Variants in MYOF observed in about 807,000 individuals in gnomAD.
The protein encoded by MYOF is fer-1-like 3, myoferlin.
In MYOF, 244 loss-of-function variants were observed where a neutral mutation model predicts 284.2. The ratio of observed to expected loss-of-function variants is 0.86; its 90% CI spans 0.77 to 0.95. The LOEUF (loss-of-function observed/expected upper bound fraction) is 0.95. Among genes scored for constraint, MYOF ranks in the 40% least tolerant of loss-of-function variants. The pLI, the probability that MYOF is intolerant of heterozygous loss-of-function variation, is 0.00. For missense variants in MYOF, 2,496 were observed against 2,560.6 expected (o/e 0.97, Z 0.54); for synonymous variants, 904 against 919.7 (o/e 0.98, Z 0.31).
intron 52 of MYOF, 47 bp downstream of exon 52, chr10:93,310,487 C>A: frequency 6.3e-7 from 1 of 1,579,368 alleles, no homozygotes; most frequent in Non-Finnish European, 8.7e-7. Flanking sequence ...GGGGGGCTCT[C>A]AGCCTGCAGG....
At chr10:93,307,436 G>A (rs1842163174) in intron 53 of MYOF, among the ~76,000 whole-genome samples, 1 of 151,896 alleles carries the variant, frequency 6.6e-6, no homozygotes, top group Non-Finnish European at 1.5e-5. Context: ...GAGCAGCTGG[G>A]ACTACAGGCG....
chr10:93,412,951 C>T (rs954795455), intron 5 of MYOF, among the ~76,000 whole-genome samples: 1 of 152,100 alleles, frequency 6.6e-6, no homozygotes, highest in African/African-American at 2.4e-5. Flanking sequence ...CTGGGGCTGA[C>T]AGCTGTTGGG....
intron 39 of MYOF, chr10:93,338,378 C>A (rs917060954): frequency 2.2e-6 from 1 of 456,720 alleles, no homozygotes; most frequent in South Asian, 1.5e-5. Context: ...ATTCAAGTTC[C>A]TTCCTTTATG....
intron 43 of MYOF, among the ~76,000 whole-genome samples, 185 bp from the exon 44 acceptor site, chr10:93,330,019 A>G (rs370017671): frequency 2.0e-5 from 3 of 152,282 alleles, no homozygotes; most frequent in East Asian, 3.9e-4. Context: ...AATAAGAACA[A>G]GAAGAGAACA....
intron 4 of MYOF, among the ~76,000 whole-genome samples, chr10:93,427,194 T>C (rs1489939867): frequency 1.5e-5 from 2 of 134,298 alleles, no homozygotes; most frequent in African/African-American, 5.8e-5. Flanking sequence ...GGAGACTCTG[T>C]CTTAAAACAA....
chr10:93,365,238 T>C (rs948424005), intron 26 of MYOF, among the ~76,000 whole-genome samples: 2 of 152,212 alleles, frequency 1.3e-5, no homozygotes, highest in African/African-American at 4.8e-5. Flanking sequence ...CAAACTCTAG[T>C]TGGAGGCCTT....
intron 21 of MYOF, among the ~76,000 whole-genome samples, chr10:93,378,798 C>T (rs1435278523): frequency 2.0e-5 from 3 of 150,182 alleles, no homozygotes; most frequent in South Asian, 2.1e-4. Context: ...CTGCAACCTC[C>T]GTCTCCCGGG....
intron 24 of MYOF, among the ~76,000 whole-genome samples, 194 bp downstream of exon 24, chr10:93,372,736 T>C (rs1352507014): frequency 6.6e-6 from 1 of 152,238 alleles, no homozygotes; most frequent in Non-Finnish European, 1.5e-5. Flanking sequence ...GGAGGTGTCC[T>C]TGATTGAAAG....
At chr10:93,433,507 G>A (rs1044390017) in intron 3 of MYOF, among the ~76,000 whole-genome samples, 6 of 152,234 alleles carry the variant, frequency 3.9e-5, no homozygotes, top group East Asian at 3.9e-4. Flanking sequence ...TGTCTACATC[G>A]GCACTGACTT....
intron 6 of MYOF, among the ~76,000 whole-genome samples, chr10:93,409,272 C>T (rs1276546875): frequency 1.3e-5 from 2 of 152,130 alleles, no homozygotes; most frequent in Non-Finnish European, 2.9e-5. Flanking sequence ...AAGACAGGGC[C>T]CAGAGCTGCG....
rs199815755 is a variant in MYOF, at chr10:93,323,283, G to A, written c.5347C>T (p.Arg1783Trp). The A allele has an allele frequency of 1.7e-3, 2,797 of 1,614,054 alleles. 3 individuals are homozygous for A. The highest frequency in any genetic ancestry group is 2.2e-3 in the Non-Finnish European group (2,619 of 1,179,920). Residue 1783 changes from arginine to tryptophan, a missense_variant, in exon 47 of 54, where the codon CGG becomes TGG. Transcript: ENST00000359263. ...PPGPPFNITP[R>W]KAKKYYLRVI... ...TGACTGACTTACTTCTTGGCTTTCC[G>A]GGGTGTGATGTTGAAAGGAGGGCCT...
At chr10:93,372,878 A>T (rs1845653468) in intron 24 of MYOF, 52 bp downstream of exon 24, 2 of 1,599,872 alleles carry the variant, frequency 1.3e-6, no homozygotes, top group South Asian at 1.1e-5. Context: ...CCTTCTCAGG[A>T]ATACAGCTTT....
At chr10:93,319,758 A>G (rs948572381) in intron 49 of MYOF, 114 bp downstream of exon 49, 1 of 1,414,452 alleles carries the variant, frequency 7.1e-7, no homozygotes, top group Non-Finnish European at 9.7e-7. Flanking sequence ...CTCTGCTGAG[A>G]AGGAGCCGGA....
intron 39 of MYOF, chr10:93,338,348 A>C (rs1386881254): frequency 4.4e-6 from 2 of 457,016 alleles, no homozygotes; most frequent in Non-Finnish European, 4.4e-6. Flanking sequence ...ACTAGCTAAA[A>C]ATTGGAAAAA....
chr10:93,371,426 C>T (rs1049003633), intron 24 of MYOF, among the ~76,000 whole-genome samples: 6 of 152,148 alleles, frequency 3.9e-5, no homozygotes, highest in African/African-American at 1.4e-4. Flanking sequence ...ATTCCATCAG[C>T]TTAAATGCAC....
chr10:93,396,056 T>C (rs757690233), intron 16 of MYOF, 86 bp downstream of exon 16: 67 of 1,012,556 alleles, frequency 6.6e-5, no homozygotes, highest in Non-Finnish European at 9.4e-5. Context: ...AAACCTACTG[T>C]GAGGTGGCTA....
At chr10:93,391,263 A>G (rs1468459341) in intron 17 of MYOF, among the ~76,000 whole-genome samples, 1 of 152,192 alleles carries the variant, frequency 6.6e-6, no homozygotes, top group African/African-American at 2.4e-5. Context: ...CTCTCCTTCT[A>G]TGTGCTCACA....
At position 93,374,851 on chromosome 10, in the gene MYOF, A is replaced by C; in HGVS notation, c.2213T>G (p.Val738Gly). Residue 738 changes from valine (V) to glycine (G), a missense_variant, in exon 23 of 54, where the codon GTG becomes GGG. Transcript: ENST00000359263. ...RSLSQIHEAA[V>G]RMRSEATDVK... ...ATCTGTGGCTTCCGACCTCATCCTCACAGCCGCCTCATGTATTTGGGAGAG... is the reference window on the plus strand; with the variant it reads ...ATCTGTGGCTTCCGACCTCATCCTCCCAGCCGCCTCATGTATTTGGGAGAG... 1 of 1,614,094 alleles carries C rather than the reference A, an allele frequency of 6.2e-7. No individual in the cohort carries two copies. Among genetic ancestry groups the C allele is most frequent in the Non-Finnish European group, 8.5e-7 (1 of 1,180,008 alleles).
At chr10:93,402,647 G>A (rs1170150191) in intron 10 of MYOF, among the ~76,000 whole-genome samples, 2 of 151,868 alleles carry the variant, frequency 1.3e-5, no homozygotes, top group Admixed American at 6.6e-5. Context: ...TATTTTGAAT[G>A]TTAAGATAAA....
Sources: gnomAD v4.1 joint callset for allele counts (sites outside exome capture counted in the v4.1 genomes callset) on GRCh38, gnomAD v4.1.1 for gene constraint, MANE v1.5 for transcripts, NCBI Gene and HGNC (gene_info 2026-07-23, HGNC 2026-07-21) for gene names.